RGS11: variants seen among roughly 807,000 people sequenced by gnomAD.
The protein encoded by RGS11 is regulator of G-protein signaling 11.
Under a neutral mutation model 71.1 loss-of-function variants are expected in RGS11, and 86 were observed. The observed-to-expected ratio is 1.21, with a 90% confidence interval of 1.02 to 1.45. The LOEUF is 1.45. Among genes scored for constraint, RGS11 ranks in the 40% most tolerant of loss-of-function variants. RGS11 has a pLI of 0.00. For synonymous variants in RGS11, 298 were observed against 254.2 expected (o/e 1.17, Z -1.64); for missense variants, 734 against 635.1 (o/e 1.16, Z -1.67).
At chr16:275,668 G>A (rs560488104) in intron 1 of RGS11, 170 bp from the exon 2 acceptor site, 23 of 464,230 alleles carry the variant, frequency 5.0e-5, no homozygotes, top group African/African-American at 3.8e-4. Context: ...GGGCCGGGGA[G>A]GGCCGGGGAG....
chr16:269,579 A>T lies in RGS11; in HGVS notation c.1213T>A (p.Tyr405Asn), dbSNP rs145907522. 1 of 1,612,766 alleles carries T rather than the reference A, an allele frequency of 6.2e-7. No homozygotes were observed. The highest frequency in any genetic ancestry group is 1.3e-5 in the African/African-American group (1 of 74,928). ...HIYMLMKKDS[Y>N]PRFLKSDMYK... ...ATGTCAGACTTCAGGAACCTTGGGT[A>T]GGAGTCCTACAAGAGACAGCGTCCA... The change falls in exon 16 of 17, where the codon TAC (tyrosine) becomes AAC (asparagine). Residue 405 changes from tyrosine to asparagine, a missense_variant. Transcript: ENST00000397770.
chr16:273,507 C>A lies in RGS11; in HGVS notation c.556G>T (p.Glu186Ter). Residue 186 changes from glutamate (E) to a stop codon, truncating the protein, a stop_gained, in exon 8 of 17, where the codon GAG (glutamate) becomes TAG (stop). Coordinates refer to ENST00000397770, the MANE Select transcript of RGS11 (RefSeq NM_183337.3). LOFTEE classifies it high-confidence loss of function. The part of the protein sequence containing the change: ...KGDRLVIACQ[E>*]QTYWLVNRPP... ...CTGTTCACCAGCCAGTAGGTCTGCT[C>A]CTGGCACGCAATGACCAGCCTGTCC... 1 of 1,556,268 alleles carries A rather than the reference C, an allele frequency of 6.4e-7. No individual in the cohort carries two copies. Among genetic ancestry groups the A allele is most frequent in the South Asian group, 1.2e-5 (1 of 84,468 alleles).
At position 269,155 on chromosome 16, in the gene RGS11, G is replaced by T; in HGVS notation, c.*114C>A. The stretch of plus-strand genomic sequence containing the variant: ...AGACTGGGCCCCCTGGGCACAAGGG[G>T]ACACTGGTGCTGGGTTCAGCAGCCC... On this transcript the variant is annotated 3_prime_UTR_variant, in exon 17 of 17. Transcript: ENST00000397770. The T allele has an allele frequency of 1.1e-6, 1 of 944,648 alleles. No individual in the cohort carries two copies. The highest frequency in any genetic ancestry group is 1.4e-5 in the South Asian group (1 of 71,158). 58.5% of individuals were successfully genotyped at this position (944,648 alleles called of 1,614,324 possible). A position where few individuals can be genotyped will look rare whatever the true frequency, so the allele number is the denominator to read the frequency against.
chr16:269,380 C>T lies in RGS11; in HGVS notation c.1293G>A (p.Val431=), dbSNP rs763597919. 8.1e-6 allele frequency: 13 copies of T among 1,601,240 alleles called. No individual in the cohort carries two copies. Among genetic ancestry groups the T allele is most frequent in the Middle Eastern group, 3.3e-4 (2 of 6,024 alleles). The change falls in exon 17 of 17, where the codon GTG becomes GTA. Residue 431 remains valine (V), a synonymous_variant. Transcript: ENST00000397770. ...AGIPLEMKRR[V]FPFTWRPRHS... ...GCCGTGGCCTCCACGTAAACGGGAA[C>T]ACGCTGTGGGCGAGAAGGCGGCTGA...
chr16:269,689 A>AGAGT (rs1025909881), intron 15 of RGS11, 104 bp from the exon 16 acceptor site: 10 of 923,282 alleles, frequency 1.1e-5, no homozygotes, highest in African/African-American at 3.3e-5. Context: ...CTCCAGCCAC[A>AGAGT]GAGTCTCCGG....
rs2052044638 is a variant in RGS11 at position 273,819 on chromosome 16, T to C, written c.447A>G (p.Leu149=). The C allele has an allele frequency of 3.7e-6, 6 of 1,613,354 alleles. No individual in the cohort carries two copies. The highest frequency in any genetic ancestry group is 5.1e-6 in the Non-Finnish European group (6 of 1,179,996). Residue 149 remains leucine (L), a synonymous_variant, in exon 7 of 17, where the codon CTA becomes CTG. Transcript: ENST00000397770. Reference sequence around the variant, plus strand: ...CCCATGCGTGGTTGATCTTCTTGTGTAGCCGGTCATAGCAGTCCTGGGGGC... The same window carrying C: ...CCCATGCGTGGTTGATCTTCTTGTGCAGCCGGTCATAGCAGTCCTGGGGGC... ...VDYEKDCYDR[L]HKKINHAWDL...
At position 273,838 on chromosome 16, in the gene RGS11, T is replaced by C. The variant is rs2052045707; in HGVS notation, c.430-2A>G. ...CTTGTGTAGCCGGTCATAGCAGTCC[T>C]GGGGGCAGCGAGGTTTCCAGTGGGT... On this transcript the variant is annotated splice_acceptor_variant, in intron 6 of 16. Transcript: ENST00000397770. LOFTEE classifies it high-confidence loss of function. 1.2e-6 allele frequency: 2 copies of C among 1,613,178 alleles called. No individual in the cohort carries two copies. Among genetic ancestry groups the C allele is most frequent in the Non-Finnish European group, 8.5e-7 (1 of 1,179,924 alleles).
rs931765300 is a variant in RGS11 at position 271,229 on chromosome 16, T to A, written c.836A>T (p.Asp279Val). 1.2e-6 allele frequency: 2 copies of A among 1,612,874 alleles called. No individual in the cohort carries two copies. Among genetic ancestry groups the A allele is most frequent in the Admixed American group, 1.7e-5 (1 of 60,014 alleles). The change falls in exon 12 of 17, where the codon GAC becomes GTC. Residue 279 changes from aspartate (D) to valine (V), a missense_variant. By Grantham distance (152) the Asp-to-Val change is radical. Transcript: ENST00000397770. ...GGGGGCATTCATGACCCAGTAGGCG[T>A]CATTGTCTGAGATCCAGGGATTGCT... Reference protein sequence around the residue: ...LPSNPWISDNDAYWVMNAPTV... With the variant: ...LPSNPWISDNVAYWVMNAPTV...
chr16:269,112 G>A lies in RGS11; in HGVS notation c.*157C>T. 1 of 889,514 alleles carries A rather than the reference G, an allele frequency of 1.1e-6. No homozygotes were observed. The highest frequency in any genetic ancestry group is 1.8e-6 in the Non-Finnish European group (1 of 547,942). The allele number at this position is 889,514 out of a possible 1,614,324, so 55.1% of individuals were successfully genotyped here. A position where few individuals can be genotyped will look rare whatever the true frequency, so the allele number is the denominator to read the frequency against. ...AGGGAGGGCTTGCTGGAGGGAGGGA[G>A]GCTGTGCACCCCACAGAAGACTGGG... On this transcript the variant is annotated 3_prime_UTR_variant, in exon 17 of 17. Transcript: ENST00000397770.
intron 4 of RGS11, chr16:274,535 G>A (rs2141425322): frequency 1.7e-6 from 1 of 596,948 alleles, no homozygotes; most frequent in Non-Finnish European, 3.0e-6. Context: ...TGGGGCTGGG[G>A]GCCTGCACAA....
chr16:274,247 T>G lies in RGS11; in HGVS notation c.337A>C (p.Ser113Arg), dbSNP rs1218519649. ...YRFQTPYFWT[S>R]TLRPAAELDY... is the part of the protein sequence containing the mutation. ...AGCTCTGCAGCCGGCCTCAGGGTAC[T>G]TGTCCAGAAGTACGGGGTCTGGCGT... Residue 113 changes from serine to arginine, a missense_variant, in exon 5 of 17, where the codon AGT becomes CGT. Ser to Arg is a moderately radical substitution (Grantham distance 110). Coordinates refer to ENST00000397770, the MANE Select transcript of RGS11 (RefSeq NM_183337.3). 1.2e-6 allele frequency: 2 copies of G among 1,611,284 alleles called. No individual in the cohort carries two copies. The highest frequency in any genetic ancestry group is 2.2e-5 in the South Asian group (2 of 90,520).
rs1343651383 is a variant in RGS11, at chr16:269,203, G to A, written c.*66C>T. 3.3e-6 allele frequency: 4 copies of A among 1,222,802 alleles called. No individual in the cohort carries two copies. The highest frequency in any genetic ancestry group is 2.7e-4 in the Middle Eastern group (1 of 3,768). 75.7% of individuals were successfully genotyped at this position (1,222,802 alleles called of 1,614,324 possible). Reference sequence around the variant, plus strand: ...CCCCCAGGACCTGGGCCAAGACGGGGGTGGCTGCTGCATTCACGCAGGACG... The same window carrying A: ...CCCCCAGGACCTGGGCCAAGACGGGAGTGGCTGCTGCATTCACGCAGGACG... On this transcript the variant is annotated 3_prime_UTR_variant, in exon 17 of 17. Transcript: ENST00000397770.
chr16:275,000 T>A lies in RGS11; in HGVS notation c.294A>T (p.Pro98=). Reference sequence around the variant, plus strand: ...CCTGGAACCTGTAGGGCGTCTCGTCTGGCCGGAGCATGAGGCTACGGGGGT... The same window carrying A: ...CCTGGAACCTGTAGGGCGTCTCGTCAGGCCGGAGCATGAGGCTACGGGGGT... The part of the protein sequence containing the change: ...LRDPRSLMLR[P]DETPYRFQTP... The change falls in exon 4 of 17, where the codon CCA becomes CCT. Residue 98 remains proline (P), a synonymous_variant. Transcript: ENST00000397770. 2.0e-6 allele frequency: 3 copies of A among 1,537,346 alleles called. No individual in the cohort carries two copies. The highest frequency in any genetic ancestry group is 2.6e-6 in the Non-Finnish European group (3 of 1,139,702).
intron 8 of RGS11, among the ~76,000 whole-genome samples, chr16:273,146 T>G (rs939250076): frequency 6.6e-6 from 1 of 152,070 alleles, no homozygotes; most frequent in African/African-American, 2.4e-5. Flanking sequence ...TCCCGGCCTG[T>G]GAACTCGGTC....
rs1160207563 is a variant in RGS11 at position 268,307 on chromosome 16, T to A, written c.*962A>T. The A allele has an allele frequency of 4.2e-6, 1 of 238,668 alleles. No homozygotes were observed. The highest frequency in any genetic ancestry group is 8.4e-6 in the Non-Finnish European group (1 of 119,590). The allele number at this position is 238,668 out of a possible 1,614,324, so 14.8% of individuals were successfully genotyped here. Reference sequence around the variant, plus strand: ...ACCATAAGCTGCACCCACAGCAGGATGGGCTCAGAGCCAGGGCCCAAGGGT... The same window carrying A: ...ACCATAAGCTGCACCCACAGCAGGAAGGGCTCAGAGCCAGGGCCCAAGGGT... On this transcript the variant is annotated 3_prime_UTR_variant, in exon 17 of 17. Transcript: ENST00000397770.
At chr16:272,577 G>C in intron 9 of RGS11, 2 of 1,464,654 alleles carry the variant, frequency 1.4e-6, no homozygotes, top group Non-Finnish European at 1.8e-6. Flanking sequence ...AGCAAACCCT[G>C]ATACTGTTCT....
intron 15 of RGS11, among the ~76,000 whole-genome samples, chr16:270,105 C>A (rs188876732): frequency 1.3e-5 from 2 of 151,848 alleles, no homozygotes; most frequent in Admixed American, 1.3e-4. Flanking sequence ...AAAAATTAGC[C>A]GGGCGTGGTG....
At position 270,596 on chromosome 16, in the gene RGS11, A is replaced by G; in HGVS notation, c.1133T>C (p.Leu378Pro). Reference protein sequence around the residue: ...NIDSRTMEQTLEGLRQPHRYV... With the variant: ...NIDSRTMEQTPEGLRQPHRYV... ...GCGGTGGGGCTGGCGCAGCCCCTCC[A>G]GGGTCTGCTCCATGGTCCGGCTGTC... The change falls in exon 15 of 17, where the codon CTG becomes CCG. Residue 378 changes from leucine to proline, a missense_variant. Coordinates refer to ENST00000397770, the MANE Select transcript of RGS11 (RefSeq NM_183337.3). The G allele has an allele frequency of 6.2e-7, 1 of 1,608,458 alleles. No homozygotes were observed. Among genetic ancestry groups the G allele is most frequent in the Non-Finnish European group, 8.5e-7 (1 of 1,178,042 alleles).
chr16:269,054 G>A lies in RGS11; in HGVS notation c.*215C>T, dbSNP rs2051795984. The A allele has an allele frequency of 2.8e-6, 3 of 1,083,300 alleles. No individual in the cohort carries two copies. In the East Asian group the frequency reaches 7.7e-5, roughly 28 times the overall value. 67.1% of individuals were successfully genotyped at this position (1,083,300 alleles called of 1,614,324 possible). ...AGCTGAGCCAATGAACCCCCTCCCTGGGAATCCACACCTGGACCCATTCCT... is the reference window on the plus strand; with the variant it reads ...AGCTGAGCCAATGAACCCCCTCCCTAGGAATCCACACCTGGACCCATTCCT... On this transcript the variant is annotated 3_prime_UTR_variant, in exon 17 of 17. Transcript: ENST00000397770.
Sources: gnomAD v4.1 joint callset for allele counts (sites outside exome capture counted in the v4.1 genomes callset) on GRCh38, gnomAD v4.1.1 for gene constraint, MANE v1.5 for transcripts, NCBI Gene and HGNC (gene_info 2026-07-23, HGNC 2026-07-21) for gene names.